Variants in CELF2 observed in about 807,000 individuals in gnomAD.
CELF2 encodes CUGBP Elav-like family member 2.
CELF2 carries 8 observed loss-of-function variants against 62.6 expected under a neutral mutation model. That is an observed-to-expected ratio of 0.13 (90% CI 0.07 to 0.23). The LOEUF (loss-of-function observed/expected upper bound fraction) is 0.23. CELF2 is among the 10% of genes least tolerant of loss of function. The pLI is 1.00. For missense variants in CELF2, 333 were observed against 671.0 expected (o/e 0.50, Z 5.56); for synonymous variants, 258 against 250.0 (o/e 1.03, Z -0.30).
intron 1 of CELF2, among the ~76,000 whole-genome samples, chr10:10,912,651 T>C (rs7076485): frequency 0.08 from 12,107 of 152,176 alleles, 1,023 homozygotes; most frequent in African/African-American, 0.22. Context: ...TACAGGCGTG[T>C]GCCAGTGCGC....
At chr10:10,576,727 A>G in the CELF2 span, among the ~76,000 whole-genome samples, 6 of 152,068 alleles carry the variant, frequency 3.9e-5, no homozygotes, top group African/African-American at 1.4e-4. Context: ...CCCCAATTCT[A>G]TCCACTCTGA....
chr10:10,806,199 T>G (rs867784092), intron 1 of CELF2, among the ~76,000 whole-genome samples: 1 of 103,750 alleles, frequency 9.6e-6, no homozygotes, highest in Admixed American at 1.2e-4. Flanking sequence ...GGGGTTCCAG[T>G]GTTCTTTTTT....
At chr10:10,637,605 A>G in the CELF2 span, among the ~76,000 whole-genome samples, 1 of 152,162 alleles carries the variant, frequency 6.6e-6, no homozygotes, top group Non-Finnish European at 1.5e-5. Context: ...CCATACCTCA[A>G]AATGGGGACT....
chr10:11,265,322 C>G (rs1349326243), intron 5 of CELF2, among the ~76,000 whole-genome samples: 2 of 152,206 alleles, frequency 1.3e-5, no homozygotes, highest in Non-Finnish European at 2.9e-5. Flanking sequence ...GTCAGCCTCT[C>G]AGTGTTTAGA....
intron 1 of CELF2, among the ~76,000 whole-genome samples, chr10:11,125,091 T>C (rs1349837310): frequency 1.3e-5 from 2 of 152,198 alleles, no homozygotes; most frequent in African/African-American, 2.4e-5. Context: ...TTAAGTATGA[T>C]GGTTTCAGGT....
At chr10:11,272,447 C>A (rs542633769) in intron 7 of CELF2, among the ~76,000 whole-genome samples, 2 of 152,268 alleles carry the variant, frequency 1.3e-5, no homozygotes, top group African/African-American at 2.4e-5. Context: ...ATCACGCTCA[C>A]CTTCCTGTAC....
intron 1 of CELF2, among the ~76,000 whole-genome samples, chr10:11,021,292 T>C (rs946691964): frequency 1.3e-5 from 2 of 152,210 alleles, no homozygotes; most frequent in Non-Finnish European, 2.9e-5. Context: ...TTTTTACATT[T>C]GGTAGGTAAC....
the CELF2 span, among the ~76,000 whole-genome samples, chr10:10,740,483 T>C: frequency 6.6e-6 from 1 of 152,174 alleles, no homozygotes; most frequent in African/African-American, 2.4e-5. Context: ...GTAGCCATTA[T>C]GGAAAATGGT....
At position 11,086,147 on chromosome 10, in the gene CELF2, A is replaced by T. The variant is rs534206992; in HGVS notation, c.74+67984A>T. 1.5e-4 allele frequency among the ~76,000 whole-genome samples: 23 copies of T among 152,198 alleles called. No homozygotes were observed. In the South Asian group the frequency reaches 1.7e-3, roughly 11 times the overall value. ...CACGGGATCAAATCTATAGGTACCC[A>T]CTGTTTTTCAATGAACAGGATTATT... On this transcript the variant is annotated intron_variant, in intron 1 of 12. Transcript: ENST00000633077.
chr10:11,100,123 G>C (rs1306396943), intron 1 of CELF2, among the ~76,000 whole-genome samples: 1 of 152,034 alleles, frequency 6.6e-6, no homozygotes, highest in African/African-American at 2.4e-5. Flanking sequence ...AGAATCACTT[G>C]GACCCAGGAG....
intron 1 of CELF2, among the ~76,000 whole-genome samples, chr10:10,906,635 T>C (rs2063357444): frequency 6.6e-6 from 1 of 151,874 alleles, no homozygotes; most frequent in East Asian, 1.9e-4. Flanking sequence ...AAATATACAG[T>C]AAATAAACAA....
At chr10:11,238,994 T>C (rs2136779135) in intron 3 of CELF2, among the ~76,000 whole-genome samples, 1 of 152,312 alleles carries the variant, frequency 6.6e-6, no homozygotes, top group East Asian at 1.9e-4. Flanking sequence ...TTGTTTGGTG[T>C]GTGTTTTATA....
In CELF2 at chr10:11,227,439, A is replaced by G. The variant is rs1565419906; in HGVS notation, c.354+9932A>G. ...GCGCTGCTGCTCTCCGCATCACAGC[A>G]AAGTCAAGGCAAAGGAGGATGGGTG... On this transcript the variant is annotated intron_variant, in intron 3 of 12. Coordinates refer to ENST00000633077, the MANE Select transcript of CELF2 (RefSeq NM_001326342.2). The surrounding 1 kb of genome is among the most constrained non-coding windows in gnomAD (Gnocchi z 4.8). Among the ~76,000 whole-genome samples, 2 of 152,194 alleles carry G rather than the reference A, an allele frequency of 1.3e-5. No individual in the cohort carries two copies. The highest frequency in any genetic ancestry group is 2.4e-5 in the African/African-American group (1 of 41,446).
intron 2 of CELF2, among the ~76,000 whole-genome samples, chr10:10,962,930 T>C (rs2049691710): frequency 6.6e-6 from 1 of 152,200 alleles, no homozygotes. Context: ...TTAGGAGTCA[T>C]GTTTTCATCA....
At position 11,319,756 on chromosome 10, in the gene CELF2, TCCTCCACTGTTAAGCTATAG is replaced by T. The variant is rs2095319114; in HGVS notation, c.1097-1429_1097-1410del. ...TACCCGAGGTGAGGCACAATGACAG[TCCTCCACTGTTAAGCTATAG>T]CCTAATTCATATCTTACATGTGTCC... On this transcript the variant is annotated intron_variant, in intron 10 of 12. Transcript: ENST00000633077. The surrounding 1 kb of genome is among the most constrained non-coding windows in gnomAD (Gnocchi z 4.4). 2.1e-6 allele frequency: 1 copy of T among 470,848 alleles called. No homozygotes were observed. The highest frequency in any genetic ancestry group is 2.4e-5 in the Admixed American group (1 of 42,550). The allele number at this position is 470,848 out of a possible 1,614,324, so 29.2% of individuals were successfully genotyped here. A position where few individuals can be genotyped will look rare whatever the true frequency, so the allele number is the denominator to read the frequency against.
chr10:10,658,769 A>G, the CELF2 span, among the ~76,000 whole-genome samples: 4 of 152,018 alleles, frequency 2.6e-5, no homozygotes, highest in Non-Finnish European at 5.9e-5. Flanking sequence ...CAAGTATTCA[A>G]CATTTTAACT....
chr10:10,867,312 T>G (rs2133281680), intron 1 of CELF2, among the ~76,000 whole-genome samples: 1 of 152,204 alleles, frequency 6.6e-6, no homozygotes, highest in East Asian at 1.9e-4. Context: ...AGTCTCACCC[T>G]CCATTGTGAA....
At chr10:10,496,749 T>A in the CELF2 span, among the ~76,000 whole-genome samples, 1 of 152,264 alleles carries the variant, frequency 6.6e-6, no homozygotes, top group African/African-American at 2.4e-5. Context: ...TCTCTTGCCC[T>A]ACAGGACCTG....
Position 10,844,023 on chromosome 10 carries a change from C to T in CELF2, c.53+45206C>T, listed in dbSNP as rs146221499. Among the ~76,000 whole-genome samples, 561 of 151,962 alleles carry T rather than the reference C, an allele frequency of 3.7e-3. 1 individual carries two copies. The highest frequency in any genetic ancestry group is 6.8e-3 in the Non-Finnish European group (459 of 67,878). ...ATGATTCCTAAGATCCTTTGACCTC[C>T]GGGAATCTGTCCTACCTCGGGTGCT... On this transcript the variant is annotated intron_variant, in intron 1 of 13. Coordinates refer to the CELF2 transcript ENST00000636488.
Sources: gnomAD v4.1 joint callset for allele counts (sites outside exome capture counted in the v4.1 genomes callset) on GRCh38, gnomAD v4.1.1 for gene constraint, Gnocchi (gnomAD v3.1) non-coding constraint, MANE v1.5 for transcripts, NCBI Gene and HGNC (gene_info 2026-07-23, HGNC 2026-07-21) for gene names.